GBX2: variants seen among roughly 807,000 people sequenced by gnomAD.
GBX2 encodes homeobox protein GBX-2.
A neutral mutation model predicts 22.4 loss-of-function variants in GBX2; 5 were observed. The ratio of observed to expected loss-of-function variants is 0.22; its 90% CI spans 0.12 to 0.47. The LOEUF is 0.47. GBX2 is among the 20% of genes least tolerant of loss of function. The pLI, the probability that GBX2 is intolerant of heterozygous loss-of-function variation, is 0.99. For missense variants in GBX2, 470 were observed against 495.4 expected, an observed-to-expected ratio of 0.95 and a Z score of 0.49; for synonymous variants, 220 against 230.5, an observed-to-expected ratio of 0.95 and a Z score of 0.41.
downstream of GBX2, chr2:236,165,201 G>T (rs904089416): frequency 1.3e-5 from 2 of 152,172 alleles, no homozygotes; most frequent in Non-Finnish European, 2.9e-5. Flanking sequence ...TGCCCGGGAC[G>T]GTCAAATTCT....
At position 236,168,202 on chromosome 2, in the gene GBX2, C is replaced by A; in HGVS notation, c.-231G>T. The A allele has an allele frequency of 3.4e-6, 1 of 297,808 alleles. No individual in the cohort carries two copies. Among genetic ancestry groups the A allele is most frequent in the African/African-American group, 2.2e-5 (1 of 45,528 alleles). 18.4% of individuals were successfully genotyped at this position (297,808 alleles called of 1,614,324 possible). Reference sequence around the variant, plus strand: ...CGGAGTGGAGAGGGCGCCCGGGCCCCGAGGGCTCGCCGGAGCCCCCGTCCG... The same window carrying A: ...CGGAGTGGAGAGGGCGCCCGGGCCCAGAGGGCTCGCCGGAGCCCCCGTCCG... On this transcript the variant is annotated 5_prime_UTR_variant, in exon 1 of 2. Coordinates refer to ENST00000306318, the MANE Select transcript of GBX2 (RefSeq NM_001485.4).
chr2:236,166,257 C>G lies in GBX2; in HGVS notation c.704G>C (p.Ser235Thr). Residue 235 changes from serine (S) to threonine (T), a missense_variant, in exon 2 of 2, where the codon AGC becomes ACC. Ser to Thr is a moderately conservative substitution (Grantham distance 58). Transcript: ENST00000306318. This position sits in a 1 kb window ranked among gnomAD's most constrained non-coding sequence, Gnocchi z 6.6. ...AGACGTGGTGCTGCCCGCGGCGCCG[C>G]TGCTCGGCGGGGTCTCCTCCAGCGC... ...GHALEETPPS[S>T]GAAGSTTSTG... is the part of the protein sequence containing the mutation. 1.9e-6 allele frequency: 3 copies of G among 1,613,646 alleles called. No homozygotes were observed. The highest frequency in any genetic ancestry group is 2.5e-6 in the Non-Finnish European group (3 of 1,179,950).
In GBX2 at chr2:236,165,256, T is replaced by C. The variant is rs1289835230; in HGVS notation, c.*658A>G. 6 of 152,094 alleles carry C rather than the reference T, an allele frequency of 3.9e-5. No individual in the cohort carries two copies. The highest frequency in any genetic ancestry group is 1.5e-4 in the African/African-American group (6 of 41,362). The allele number at this position is 152,094 out of a possible 1,614,324, so 9.4% of individuals were successfully genotyped here. ...AGGGATTGGTCTTTTTCCCCCCCTC[T>C]CTCCTTTTTATTATTCACAAGACTG... On this transcript the variant is annotated 3_prime_UTR_variant, in exon 2 of 2. Transcript: ENST00000306318.
In GBX2 at chr2:236,166,190, C is replaced by A; in HGVS notation, c.771G>T (p.Glu257Asp). Residue 257 changes from glutamate to aspartate, a missense_variant, in exon 2 of 2, where the codon GAG becomes GAT. Physicochemically the swap from Glu to Asp is conservative, Grantham distance 45. This residue lies in a region of GBX2 where 40 missense variants were observed against 55.1 expected (regional missense o/e 0.73). Coordinates refer to ENST00000306318, the MANE Select transcript of GBX2 (RefSeq NM_001485.4). The surrounding 1 kb of genome is among the most constrained non-coding windows in gnomAD (Gnocchi z 6.6). ...ACTCCTTCTCTAGCTCCAGCAGCTG[C>A]TCGCTGGTGAAGGCAGTCCGCCGCC... ...NRRRRTAFTS[E>D]QLLELEKEFH... 1 of 1,613,978 alleles carries A rather than the reference C, an allele frequency of 6.2e-7. No homozygotes were observed. Among genetic ancestry groups the A allele is most frequent in the Non-Finnish European group, 8.5e-7 (1 of 1,180,032 alleles).
chr2:236,162,323 C>T (rs1275465872), downstream of GBX2, among the ~76,000 whole-genome samples: 2 of 152,234 alleles, frequency 1.3e-5, no homozygotes. Context: ...GTGAAAGAAC[C>T]ACCCAGGGGG....
At chr2:236,163,956 G>T (rs1291817587), downstream of GBX2, among the ~76,000 whole-genome samples, 1 of 152,128 alleles carries the variant, frequency 6.6e-6, no homozygotes. Flanking sequence ...CGCAGAGCCG[G>T]CCGACGCCCT....
chr2:236,163,913 C>A (rs966612728), downstream of GBX2, among the ~76,000 whole-genome samples: 4 of 152,094 alleles, frequency 2.6e-5, no homozygotes, highest in African/African-American at 9.7e-5. Flanking sequence ...CTGGGCGGGG[C>A]GCGGCCAGGA....
chr2:236,166,500 C>T lies in GBX2; in HGVS notation c.524-63G>A. 2 of 1,485,248 alleles carry T rather than the reference C, an allele frequency of 1.3e-6. No homozygotes were observed. Among genetic ancestry groups the T allele is most frequent in the Admixed American group, 1.8e-5 (1 of 56,268 alleles). The allele number at this position is 1,485,248 out of a possible 1,614,324, so 92.0% of individuals were successfully genotyped here. On this transcript the variant is annotated intron_variant, in intron 1 of 1. Coordinates refer to ENST00000306318, the MANE Select transcript of GBX2 (RefSeq NM_001485.4). The surrounding 1 kb of genome is among the most constrained non-coding windows in gnomAD (Gnocchi z 6.6). ...CACACTGGCCTTCCTTTCTCCTTCC[C>T]ACCGTCATTTGGACATTCCGCGCCC...
Position 236,168,091 on chromosome 2 carries a change from G to A in GBX2, c.-120C>T, listed in dbSNP as rs796691247. On this transcript the variant is annotated 5_prime_UTR_variant, in exon 1 of 2. Transcript: ENST00000306318. Reference sequence around the variant, plus strand: ...GCCGGGCAGGGGCCGAGCGGGACCCGGAGAGCAGACGCCTCCGCCCCTCAG... The same window carrying A: ...GCCGGGCAGGGGCCGAGCGGGACCCAGAGAGCAGACGCCTCCGCCCCTCAG... 45 of 1,128,030 alleles carry A rather than the reference G, an allele frequency of 4.0e-5. No homozygotes were observed. The South Asian group carries it at 1.0e-3, about 26-fold the overall frequency. 69.9% of individuals were successfully genotyped at this position (1,128,030 alleles called of 1,614,324 possible).
In GBX2 at chr2:236,168,171, G is replaced by A; in HGVS notation, c.-200C>T. 2 of 427,050 alleles carry A rather than the reference G, an allele frequency of 4.7e-6. No homozygotes were observed. Among genetic ancestry groups the A allele is most frequent in the Non-Finnish European group, 7.4e-6 (2 of 271,160 alleles). 26.5% of individuals were successfully genotyped at this position (427,050 alleles called of 1,614,324 possible). A position where few individuals can be genotyped will look rare whatever the true frequency, so the allele number is the denominator to read the frequency against. ...CAGGGGGTGTGCGGGGTGAGGCCGT[G>A]CGCCCCGGAGTGGAGAGGGCGCCCG... On this transcript the variant is annotated 5_prime_UTR_variant, in exon 1 of 2. Coordinates refer to ENST00000306318, the MANE Select transcript of GBX2 (RefSeq NM_001485.4).
chr2:236,166,535 C>A lies in GBX2; in HGVS notation c.524-98G>T. The A allele has an allele frequency of 9.3e-7, 1 of 1,078,160 alleles. No individual in the cohort carries two copies. Among genetic ancestry groups the A allele is most frequent in the South Asian group, 1.4e-5 (1 of 70,064 alleles). 66.8% of individuals were successfully genotyped at this position (1,078,160 alleles called of 1,614,324 possible). ...TGGACATTCCGCGCCCCCCGCCCCC[C>A]ACCCTTTAGCGGATTGTCTTTCTAT... On this transcript the variant is annotated intron_variant, in intron 1 of 1. Coordinates refer to ENST00000306318, the MANE Select transcript of GBX2 (RefSeq NM_001485.4). The surrounding 1 kb of genome is among the most constrained non-coding windows in gnomAD (Gnocchi z 6.6).
chr2:236,162,930 T>A (rs945139082), downstream of GBX2, among the ~76,000 whole-genome samples: 1 of 152,184 alleles, frequency 6.6e-6, no homozygotes, highest in African/African-American at 2.4e-5. Context: ...GGGAGTTAAT[T>A]TGAAGCTCAG....
rs1294069868 is a variant in GBX2 at position 236,166,266 on chromosome 2, G to C, written c.695C>G (p.Pro232Arg). 2 of 1,613,666 alleles carry C rather than the reference G, an allele frequency of 1.2e-6. No homozygotes were observed. Among genetic ancestry groups the C allele is most frequent in the Non-Finnish European group, 8.5e-7 (1 of 1,179,964 alleles). The part of the protein sequence containing the change: ...EDPGHALEET[P>R]PSSGAAGSTT... ...GCTGCCCGCGGCGCCGCTGCTCGGCGGGGTCTCCTCCAGCGCGTGGCCCGG... is the reference window on the plus strand; with the variant it reads ...GCTGCCCGCGGCGCCGCTGCTCGGCCGGGTCTCCTCCAGCGCGTGGCCCGG... Residue 232 changes from proline to arginine, a missense_variant, in exon 2 of 2, where the codon CCG (proline) becomes CGG (arginine). Physicochemically the swap from Pro to Arg is moderately radical, Grantham distance 103. This residue lies in a region of GBX2 where 377 missense variants were observed against 358.6 expected (regional missense o/e 1.05). Coordinates refer to ENST00000306318, the MANE Select transcript of GBX2 (RefSeq NM_001485.4). This position sits in a 1 kb window ranked among gnomAD's most constrained non-coding sequence, Gnocchi z 6.6.
chr2:236,165,148 C>G (rs918932664), downstream of GBX2: 4 of 152,210 alleles, frequency 2.6e-5, no homozygotes, highest in African/African-American at 9.7e-5. Context: ...GGACGTTTCT[C>G]CAGTACTGGT....
At position 236,168,369 on chromosome 2, in the gene GBX2, G is replaced by A. The variant is rs1384481268; in HGVS notation, c.-398C>T. ...GAAGCCGGCGTACTTATCTCCGGCG[G>A]GCGCAGCCAGCACCTTTAAATCGCG... On this transcript the variant is annotated 5_prime_UTR_variant, in exon 1 of 2. Coordinates refer to ENST00000306318, the MANE Select transcript of GBX2 (RefSeq NM_001485.4). The A allele has an allele frequency of 6.3e-6, 1 of 157,758 alleles. No individual in the cohort carries two copies. Among genetic ancestry groups the A allele is most frequent in the African/African-American group, 2.4e-5 (1 of 41,726 alleles). 9.8% of individuals were successfully genotyped at this position (157,758 alleles called of 1,614,324 possible).
intron 1 of GBX2, chr2:236,167,200 A>C: frequency 1.3e-6 from 2 of 1,534,982 alleles, no homozygotes; most frequent in Non-Finnish European, 1.7e-6. Context: ...CGTCAGATAG[A>C]TATGTGGCCC....
At chr2:236,162,750 C>T (rs1576380238), downstream of GBX2, among the ~76,000 whole-genome samples, 1 of 152,180 alleles carries the variant, frequency 6.6e-6, no homozygotes, top group South Asian at 2.1e-4. Flanking sequence ...ATTATTTGAT[C>T]TGCAGATGTA....
At chr2:236,163,863 C>G (rs1231160719), downstream of GBX2, among the ~76,000 whole-genome samples, 4 of 152,126 alleles carry the variant, frequency 2.6e-5, no homozygotes, top group South Asian at 2.1e-4. Context: ...GGCCAGGGCG[C>G]GACCCGGGCG....
chr2:236,168,283 G>T lies in GBX2; in HGVS notation c.-312C>A. ...CGGGTTTGGCCCTCGGCCCCGGTAA[G>T]CTGCCGTCCGTCCGTCCGTCCCGCC... On this transcript the variant is annotated 5_prime_UTR_variant, in exon 1 of 2. Coordinates refer to ENST00000306318, the MANE Select transcript of GBX2 (RefSeq NM_001485.4). 6.4e-6 allele frequency: 1 copy of T among 155,678 alleles called. No homozygotes were observed. Among genetic ancestry groups the T allele is most frequent in the Non-Finnish European group, 1.2e-5 (1 of 84,658 alleles). 9.6% of individuals were successfully genotyped at this position (155,678 alleles called of 1,614,324 possible). A position where few individuals can be genotyped will look rare whatever the true frequency, so the allele number is the denominator to read the frequency against.
Sources: allele counts gnomAD v4.1 joint callset (sites outside exome capture counted in the v4.1 genomes callset), GRCh38; gene constraint gnomAD v4.1.1; regional missense constraint gnomAD v4.1.1; non-coding constraint Gnocchi (gnomAD v3.1); transcripts MANE v1.5; gene names NCBI Gene and HGNC (gene_info 2026-07-23, HGNC 2026-07-21).